The following CTNNA3 variants were observed in gnomAD, a reference collection of about 807,000 sequenced individuals.
CTNNA3 encodes the protein catenin alpha-3.
In CTNNA3, 76 loss-of-function variants were observed where a neutral mutation model predicts 95.7. The observed-to-expected ratio is 0.79, with a 90% confidence interval of 0.66 to 0.96. The LOEUF is 0.96. CTNNA3 is among the 40% of genes least tolerant of loss of function. The probability of loss-of-function intolerance (pLI) is 0.00; values close to 1 mark genes in which losing one functional copy is unlikely to be tolerated. For missense variants in CTNNA3, 1,191 were observed against 1,089.8 expected, an observed-to-expected ratio of 1.09 and a Z score of -1.31; for synonymous variants, 431 against 374.4, an observed-to-expected ratio of 1.15 and a Z score of -1.74.
chr10:66,915,003 G>C (rs553656114), intron 7 of CTNNA3, among the ~76,000 whole-genome samples: 1 of 152,196 alleles, frequency 6.6e-6, no homozygotes, highest in African/African-American at 2.4e-5. Flanking sequence ...GAGATAAAGA[G>C]ATGGAAAATA....
intron 13 of CTNNA3, among the ~76,000 whole-genome samples, chr10:66,242,841 T>C (rs2132043495): frequency 6.6e-6 from 1 of 152,360 alleles, no homozygotes; most frequent in East Asian, 1.9e-4. Context: ...GTACATAGCA[T>C]TGTTATTCAT....
intron 6 of CTNNA3, 21 bp from the exon 7 acceptor site, chr10:67,180,541 T>C: frequency 2.5e-6 from 4 of 1,577,572 alleles, no homozygotes; most frequent in East Asian, 4.5e-5. Context: ...AACACATTTG[T>C]ATGGTTAGAG....
intron 15 of CTNNA3, among the ~76,000 whole-genome samples, chr10:66,047,912 C>A (rs1319602516): frequency 6.6e-6 from 1 of 151,872 alleles, no homozygotes; most frequent in Non-Finnish European, 1.5e-5. Context: ...AGGAATACAG[C>A]TAACCAGGGA....
rs571306332 is a variant in CTNNA3 at position 66,480,003 on chromosome 10, G to T, written c.1531+40614C>A. Among the ~76,000 whole-genome samples the T allele has an allele frequency of 2.9e-3, 435 of 149,582 alleles. 1 individual carries two copies. The highest frequency in any genetic ancestry group is 9.9e-3 in the African/African-American group (398 of 40,036). On this transcript the variant is annotated intron_variant, in intron 11 of 17. Transcript: ENST00000433211. ...ACCCCAGAACTTTCAACTCAGCCCA[G>T]ATTATGCAAATTATTAAGTAAAGCT...
At chr10:66,023,190 T>C (rs2133432170) in intron 15 of CTNNA3, among the ~76,000 whole-genome samples, 1 of 152,344 alleles carries the variant, frequency 6.6e-6, no homozygotes, top group Non-Finnish European at 1.5e-5. Flanking sequence ...TTTCCATGTT[T>C]GCTTAAAATA....
intron 7 of CTNNA3, among the ~76,000 whole-genome samples, chr10:66,806,555 GA>G (rs1841651924): frequency 6.6e-6 from 1 of 151,952 alleles, no homozygotes; most frequent in Admixed American, 6.6e-5. Flanking sequence ...TATAAGGAAC[GA>G]AAGTGGGTGA....
intron 7 of CTNNA3, among the ~76,000 whole-genome samples, chr10:66,951,117 ACT>A (rs1491078637): frequency 1.0e-3 from 123 of 120,450 alleles, no homozygotes; most frequent in African/African-American, 2.4e-3. Flanking sequence ...ACACACACAC[ACT>A]GTCTTTTTTT....
intron 7 of CTNNA3, among the ~76,000 whole-genome samples, chr10:66,948,972 T>C (rs1848406078): frequency 6.6e-6 from 1 of 152,202 alleles, no homozygotes; most frequent in African/African-American, 2.4e-5. Flanking sequence ...AAATTATAAT[T>C]GTGTTATTTT....
intron 3 of CTNNA3, among the ~76,000 whole-genome samples, chr10:67,546,311 C>G (rs1466834210): frequency 6.6e-6 from 1 of 151,902 alleles, no homozygotes; most frequent in Non-Finnish European, 1.5e-5. Context: ...TTTTGTATCT[C>G]TTATAGAGAT....
At chr10:67,734,980 A>G (rs1213292274) in intron 1 of CTNNA3, among the ~76,000 whole-genome samples, 1 of 152,172 alleles carries the variant, frequency 6.6e-6, no homozygotes, top group African/African-American at 2.4e-5. Flanking sequence ...ATTTTACAAA[A>G]CAGTTTCTTA....
chr10:66,224,874 TC>T (rs2089185332), intron 13 of CTNNA3, among the ~76,000 whole-genome samples: 1 of 152,150 alleles, frequency 6.6e-6, no homozygotes, highest in Admixed American at 6.6e-5. Context: ...ATTTTCTAAG[TC>T]CAATCTCATT....
chr10:65,940,761 G>T (rs963965578), intron 17 of CTNNA3, among the ~76,000 whole-genome samples: 1 of 152,074 alleles, frequency 6.6e-6, no homozygotes, highest in Non-Finnish European at 1.5e-5. Flanking sequence ...ATTATATCCT[G>T]TTCAAAAATC....
intron 10 of CTNNA3, among the ~76,000 whole-genome samples, chr10:66,617,255 G>A (rs1020111410): frequency 6.6e-5 from 10 of 151,898 alleles, no homozygotes; most frequent in Non-Finnish European, 1.2e-4. Context: ...TTAGGGAGAA[G>A]GGAGATTGAT....
intron 5 of CTNNA3, among the ~76,000 whole-genome samples, chr10:67,303,959 T>C (rs1840432389): frequency 6.6e-6 from 1 of 152,214 alleles, no homozygotes; most frequent in Middle Eastern, 3.2e-3. Flanking sequence ...CTTTCTCTTT[T>C]ATAAGCTATA....
rs148323537 is a variant in CTNNA3 at position 67,759,364 on chromosome 10, C to A, written c.-2+4070G>T. On this transcript the variant is annotated intron_variant, in intron 1 of 17. Transcript: ENST00000684154. ...CTAAATAGTGGCAAAGCCTCTAAAA[C>A]TCTGCAGTTGTTGTCAAACCTATTC... Among the ~76,000 whole-genome samples the A allele has an allele frequency of 4.2e-3, 636 of 152,312 alleles. 7 individuals are homozygous for A. The highest frequency in any genetic ancestry group is 0.014 in the African/African-American group (602 of 41,574).
intron 6 of CTNNA3, among the ~76,000 whole-genome samples, chr10:67,207,534 C>G (rs946095085): frequency 6.6e-6 from 1 of 152,096 alleles, no homozygotes; most frequent in East Asian, 1.9e-4. Context: ...GGAATTGTAA[C>G]AGAACTCAGG....
chr10:66,448,471 T>C (rs565708288), intron 11 of CTNNA3, among the ~76,000 whole-genome samples: 2 of 152,254 alleles, frequency 1.3e-5, no homozygotes, highest in East Asian at 3.9e-4. Flanking sequence ...ATGTGGCACA[T>C]ATACACCATG....
intron 7 of CTNNA3, among the ~76,000 whole-genome samples, chr10:66,922,124 TA>T: frequency 6.6e-6 from 1 of 152,296 alleles, no homozygotes; most frequent in Non-Finnish European, 1.5e-5. Flanking sequence ...CACAATAAAA[TA>T]AAAAGTCTTT....
intron 7 of CTNNA3, among the ~76,000 whole-genome samples, chr10:66,936,229 G>A (rs890400542): frequency 6.6e-6 from 1 of 151,982 alleles, no homozygotes; most frequent in African/African-American, 2.4e-5. Flanking sequence ...ACACTAAAAT[G>A]CAAGAGCATT....
Sources: gnomAD v4.1 joint callset for allele counts (sites outside exome capture counted in the v4.1 genomes callset) on GRCh38, gnomAD v4.1.1 for gene constraint, MANE v1.5 for transcripts, NCBI Gene and HGNC (gene_info 2026-07-23, HGNC 2026-07-21) for gene names.